Variants in EPHA6 observed in about 807,000 individuals in gnomAD.
EPHA6 encodes the protein EPH receptor A6, also known as ephrin type-A receptor 6.
In EPHA6, 50 loss-of-function variants were observed where a neutral mutation model predicts 112.0. The ratio of observed to expected loss-of-function variants is 0.45; its 90% CI spans 0.36 to 0.56. The LOEUF (loss-of-function observed/expected upper bound fraction) is 0.56, where lower values mean the gene tolerates loss of function less well. EPHA6 is among the 20% of genes least tolerant of loss of function. The probability of loss-of-function intolerance (pLI) is 0.00; values close to 1 mark genes in which losing one functional copy is unlikely to be tolerated. For missense variants in EPHA6, 1,280 were observed against 1,417.4 expected, an observed-to-expected ratio of 0.90 and a Z score of 1.56; for synonymous variants, 529 against 490.7, an observed-to-expected ratio of 1.08 and a Z score of -1.03.
At chr3:97,677,266 AATG>A (rs568432420) in intron 14 of EPHA6, among the ~76,000 whole-genome samples, 254 of 152,306 alleles carry the variant, frequency 1.7e-3, no homozygotes, top group South Asian at 2.9e-3. Flanking sequence ...TATATGTTGA[AATG>A]ATAATATTTA....
chr3:97,568,361 G>A (rs898331690), intron 11 of EPHA6, among the ~76,000 whole-genome samples: 6 of 152,098 alleles, frequency 3.9e-5, no homozygotes, highest in African/African-American at 1.2e-4. Context: ...ATAAAATGCA[G>A]AACAGATAAC....
At chr3:97,211,568 G>A (rs1404556040) in intron 3 of EPHA6, among the ~76,000 whole-genome samples, 1 of 152,164 alleles carries the variant, frequency 6.6e-6, no homozygotes, top group Non-Finnish European at 1.5e-5. Context: ...GTCCTCACAT[G>A]TAAGAGGGCA....
rs544876270 is a variant in EPHA6 at position 96,933,628 on chromosome 3, A to G, written c.451-53702A>G. On this transcript the variant is annotated intron_variant, in intron 2 of 17. Transcript: ENST00000389672. ...CTTGTAAGAAGTGGGAAAGTAAGAA[A>G]GATTCATGATCAAATTGCAAATCGC... Among the ~76,000 whole-genome samples the G allele has an allele frequency of 1.1e-4, 17 of 152,296 alleles. No individual in the cohort carries two copies. The South Asian group carries it at 3.1e-3, about 28-fold the overall frequency.
At chr3:96,989,984 A>C (rs1347004476) in intron 3 of EPHA6, among the ~76,000 whole-genome samples, 1 of 152,204 alleles carries the variant, frequency 6.6e-6, no homozygotes, top group Non-Finnish European at 1.5e-5. Flanking sequence ...AATGTATTAC[A>C]CAGAGTAACC....
intron 10 of EPHA6, among the ~76,000 whole-genome samples, chr3:97,528,616 A>G (rs2092656350): frequency 2.0e-5 from 3 of 152,142 alleles, no homozygotes; most frequent in African/African-American, 4.8e-5. Context: ...TGGAGGAAGT[A>G]CCAGAATCTC....
At chr3:96,888,245 C>T (rs2037749511) in intron 2 of EPHA6, among the ~76,000 whole-genome samples, 1 of 152,164 alleles carries the variant, frequency 6.6e-6, no homozygotes, top group South Asian at 2.1e-4. Context: ...ACCCAGCGAG[C>T]TCACAGGGCC....
intron 5 of EPHA6, among the ~76,000 whole-genome samples, chr3:97,273,428 T>C (rs1367447365): frequency 1.3e-5 from 2 of 151,904 alleles, no homozygotes; most frequent in East Asian, 3.9e-4. Flanking sequence ...GGATGACAAG[T>C]TTTTTGGGGG....
At chr3:97,239,292 G>A (rs1337718330) in intron 4 of EPHA6, among the ~76,000 whole-genome samples, 1 of 151,806 alleles carries the variant, frequency 6.6e-6, no homozygotes, top group Non-Finnish European at 1.5e-5. Context: ...TAATTTGTAT[G>A]TTTTGAAAAT....
At chr3:97,424,780 T>C (rs983565448) in intron 6 of EPHA6, among the ~76,000 whole-genome samples, 1 of 138,246 alleles carries the variant, frequency 7.2e-6, no homozygotes, top group Admixed American at 7.7e-5. Context: ...CACTCCAGCT[T>C]GGGCAATAAG....
chr3:97,646,967 A>G (rs1385629046), intron 14 of EPHA6, among the ~76,000 whole-genome samples: 1 of 152,112 alleles, frequency 6.6e-6, no homozygotes, highest in Admixed American at 6.5e-5. Flanking sequence ...GGGCCACATG[A>G]CATACTGGGC....
At chr3:97,114,120 T>G (rs1222311462) in intron 3 of EPHA6, among the ~76,000 whole-genome samples, 2 of 152,114 alleles carry the variant, frequency 1.3e-5, no homozygotes, top group Non-Finnish European at 2.9e-5. Context: ...GCAGAAGTAG[T>G]GGTATCACAG....
At chr3:97,646,417 C>G in intron 14 of EPHA6, 1 of 815,446 alleles carries the variant, frequency 1.2e-6, no homozygotes, top group Non-Finnish European at 1.8e-6. Flanking sequence ...AGATTTACAC[C>G]TAAATATAAG....
At chr3:97,236,452 T>C (rs1449347575) in intron 4 of EPHA6, among the ~76,000 whole-genome samples, 1 of 152,074 alleles carries the variant, frequency 6.6e-6, no homozygotes, top group East Asian at 1.9e-4. Flanking sequence ...CTTTTAAAAC[T>C]ATTAAACAGG....
intron 3 of EPHA6, among the ~76,000 whole-genome samples, chr3:97,057,785 G>T (rs1455509430): frequency 1.3e-5 from 2 of 152,158 alleles, no homozygotes; most frequent in Non-Finnish European, 2.9e-5. Context: ...CTGCATGAAA[G>T]AACTTCCTGT....
At chr3:97,700,218 A>G (rs921569712) in intron 14 of EPHA6, among the ~76,000 whole-genome samples, 3 of 152,150 alleles carry the variant, frequency 2.0e-5, no homozygotes, top group African/African-American at 7.2e-5. Context: ...CTTCAAAACC[A>G]CTCATGGAAA....
At chr3:97,366,398 C>CA (rs201147296) in intron 5 of EPHA6, among the ~76,000 whole-genome samples, 4,532 of 152,046 alleles carry the variant, frequency 0.03, 214 homozygotes, top group African/African-American at 0.099. Flanking sequence ...CAGAAGGCAA[C>CA]GTTTAAAATT....
intron 14 of EPHA6, among the ~76,000 whole-genome samples, chr3:97,663,451 A>C (rs1482060316): frequency 6.6e-6 from 1 of 151,726 alleles, no homozygotes; most frequent in Non-Finnish European, 1.5e-5. Flanking sequence ...CGTCATTTAC[A>C]TTAGGCATAT....
intron 3 of EPHA6, among the ~76,000 whole-genome samples, chr3:97,016,333 C>A (rs891637798): frequency 2.0e-5 from 3 of 152,076 alleles, no homozygotes. Context: ...AAAGCTTTTT[C>A]TCTGAATTTC....
intron 3 of EPHA6, among the ~76,000 whole-genome samples, chr3:97,165,188 T>G (rs2076511066): frequency 6.6e-6 from 1 of 152,170 alleles, no homozygotes; most frequent in South Asian, 2.1e-4. Context: ...CTGACTGGAC[T>G]TCTTTACTCC....
Sources: gnomAD v4.1 joint callset for allele counts (sites outside exome capture counted in the v4.1 genomes callset) on GRCh38, gnomAD v4.1.1 for gene constraint, MANE v1.5 for transcripts, NCBI Gene and HGNC (gene_info 2026-07-23, HGNC 2026-07-21) for gene names.